USP4: variants seen among roughly 807,000 people sequenced by gnomAD.
USP4 encodes the protein ubiquitin specific peptidase 4.
A neutral mutation model predicts 118.2 loss-of-function variants in USP4; 72 were observed. The ratio of observed to expected loss-of-function variants is 0.61; its 90% CI spans 0.50 to 0.74. USP4 has a LOEUF of 0.74. Ranked by LOEUF, USP4 falls within the 30% of genes least tolerant of loss-of-function variation. USP4 has a pLI of 0.00. For synonymous variants in USP4, 415 were observed against 440.4 expected (o/e 0.94, Z 0.72); for missense variants, 1,037 against 1,185.7 (o/e 0.87, Z 1.84).
chr3:49,296,832 G>T (rs1239295578), intron 13 of USP4, among the ~76,000 whole-genome samples: 1 of 152,176 alleles, frequency 6.6e-6, no homozygotes, highest in Non-Finnish European at 1.5e-5. Context: ...GTTCCTTTCA[G>T]CTCAGGTGTG....
intron 15 of USP4, among the ~76,000 whole-genome samples, chr3:49,290,839 C>A (rs754524979): frequency 6.6e-6 from 1 of 151,778 alleles, no homozygotes; most frequent in African/African-American, 2.4e-5. Flanking sequence ...ATGTGCTGGG[C>A]GCAGTGGCTC....
chr3:49,302,299 T>A, intron 10 of USP4, 85 bp downstream of exon 10: 6 of 1,432,476 alleles, frequency 4.2e-6, no homozygotes, highest in Non-Finnish European at 3.7e-6. Flanking sequence ...GCAACAACAC[T>A]CAAAGACCAG....
At chr3:49,312,323 T>C (rs989564835) in intron 6 of USP4, 4 of 361,582 alleles carry the variant, frequency 1.1e-5, no homozygotes, top group Non-Finnish European at 2.2e-5. Context: ...ACCACATCTC[T>C]ACTAAAAATA....
chr3:49,322,852 G>A (rs1480952542), intron 6 of USP4, among the ~76,000 whole-genome samples: 6 of 148,720 alleles, frequency 4.0e-5, no homozygotes, highest in South Asian at 4.2e-4. Context: ...GTAAGACTCC[G>A]TCACAGGGAA....
At chr3:49,338,670 AAAAAAAAAAGAAAAG>A (rs1440399015) in intron 1 of USP4, among the ~76,000 whole-genome samples, 1 of 151,328 alleles carries the variant, frequency 6.6e-6, no homozygotes, top group Non-Finnish European at 1.5e-5. Context: ...CTCAAAAAAA[AAAAAAAAAAGAAAAG>A]AAAAGAAAAG....
intron 15 of USP4, among the ~76,000 whole-genome samples, chr3:49,292,287 G>GGAA (rs1426182391): frequency 1.5e-4 from 22 of 144,182 alleles, no homozygotes; most frequent in Non-Finnish European, 3.0e-4. Context: ...ACCCCTATCT[G>GGAA]GAAAAAAAAA....
intron 11 of USP4, among the ~76,000 whole-genome samples, chr3:49,299,184 G>T (rs367813659): frequency 2.6e-5 from 4 of 151,986 alleles, no homozygotes; most frequent in African/African-American, 9.7e-5. Flanking sequence ...CCACCTCCCG[G>T]GTTCAAGCGA....
chr3:49,286,458 G>C, intron 15 of USP4, 133 bp from the exon 16 acceptor site: 1 of 895,344 alleles, frequency 1.1e-6, no homozygotes, highest in African/African-American at 1.7e-5. Flanking sequence ...CTATTCCTTT[G>C]CATTTAACTT....
intron 4 of USP4, among the ~76,000 whole-genome samples, chr3:49,325,246 CGT>C (rs758437054): frequency 7.2e-5 from 11 of 152,176 alleles, no homozygotes; most frequent in Non-Finnish European, 1.3e-4. Flanking sequence ...TCTTTGCTAA[CGT>C]GTGTCTCTCA....
chr3:49,328,309 G>A (rs1455847636), intron 2 of USP4, among the ~76,000 whole-genome samples: 1 of 151,970 alleles, frequency 6.6e-6, no homozygotes, highest in Admixed American at 6.6e-5. Context: ...AGTAAGCCAA[G>A]ATCACGCCAC....
At chr3:49,278,489 G>T in intron 21 of USP4, 38 bp from the exon 22 acceptor site, 1 of 1,596,686 alleles carries the variant, frequency 6.3e-7, no homozygotes. Context: ...TCAGTGCTTG[G>T]AAAAATCACC....
chr3:49,280,726 G>A lies in USP4; in HGVS notation c.2644+18C>T. 1.9e-6 allele frequency: 3 copies of A among 1,596,118 alleles called. No homozygotes were observed. The highest frequency in any genetic ancestry group is 2.6e-6 in the Non-Finnish European group (3 of 1,163,654). Reference sequence around the variant, plus strand: ...GCACATTTCAACATCTCAGAAGGAAGCAGATGTCAATACTTACAGTGGCCA... The same window carrying A: ...GCACATTTCAACATCTCAGAAGGAAACAGATGTCAATACTTACAGTGGCCA... On this transcript the variant is annotated intron_variant, in intron 20 of 21. Coordinates refer to ENST00000265560, the MANE Select transcript of USP4 (RefSeq NM_003363.4).
intron 6 of USP4, among the ~76,000 whole-genome samples, chr3:49,318,027 G>T (rs1302321191): frequency 6.6e-6 from 1 of 151,566 alleles, no homozygotes; most frequent in Admixed American, 6.6e-5. Flanking sequence ...GTAGAGACAG[G>T]GTTTCACCAT....
Position 49,284,455 on chromosome 3 carries a change from G to A in USP4, c.2390+11C>T. 1 of 1,609,410 alleles carries A rather than the reference G, an allele frequency of 6.2e-7. No individual in the cohort carries two copies. Among genetic ancestry groups the A allele is most frequent in the Non-Finnish European group, 8.5e-7 (1 of 1,176,436 alleles). ...ATGGGGCCTCTGCCCAGACAGTGAG[G>A]AGCTGCGTACCAGGGGTCATGCTCC... On this transcript the variant is annotated intron_variant, in intron 18 of 21. Coordinates refer to ENST00000265560, the MANE Select transcript of USP4 (RefSeq NM_003363.4).
At chr3:49,287,772 A>G (rs957895441) in intron 15 of USP4, among the ~76,000 whole-genome samples, 1 of 152,002 alleles carries the variant, frequency 6.6e-6, no homozygotes, top group African/African-American at 2.4e-5. Context: ...AGGCCCAGCT[A>G]TTTTCAAATA....
At chr3:49,338,434 C>T (rs1217738090) in intron 1 of USP4, among the ~76,000 whole-genome samples, 3 of 150,378 alleles carry the variant, frequency 2.0e-5, no homozygotes, top group African/African-American at 7.4e-5. Flanking sequence ...CCACAGCGGG[C>T]GATCACCTGA....
intron 14 of USP4, chr3:49,293,668 C>T (rs1445042944): frequency 6.6e-6 from 1 of 151,062 alleles, no homozygotes; most frequent in Non-Finnish European, 1.5e-5. Flanking sequence ...AAGATTCCAT[C>T]TCGGAAGGAA....
Position 49,291,568 on chromosome 3 carries a change from C to T in USP4, c.1972+942G>A, listed in dbSNP as rs1384007976. ...CTGCATGGGCGACAGAGCAAGATTC[C>T]GTCTCAAAAAAAAAAAAAAAAAGAA... is the stretch of plus-strand genomic sequence containing the variant. On this transcript the variant is annotated intron_variant, in intron 15 of 21. Transcript: ENST00000265560. Among the ~76,000 whole-genome samples, 21 of 138,204 alleles carry T rather than the reference C, an allele frequency of 1.5e-4. No homozygotes were observed. The East Asian group carries it at 2.5e-3, about 17-fold the overall frequency. The allele number at this position is 138,204 out of a possible 152,430, so 90.7% of individuals were successfully genotyped here. A position where few individuals can be genotyped will look rare whatever the true frequency, so the allele number is the denominator to read the frequency against.
intron 2 of USP4, among the ~76,000 whole-genome samples, chr3:49,331,017 CAA>C (rs1239637192): frequency 3.5e-5 from 4 of 115,918 alleles, no homozygotes; most frequent in Non-Finnish European, 1.8e-5. Flanking sequence ...GACTCCGTCT[CAA>C]AAAAAAAAAA....
Sources: allele counts gnomAD v4.1 joint callset (sites outside exome capture counted in the v4.1 genomes callset), GRCh38; gene constraint gnomAD v4.1.1; transcripts MANE v1.5; gene names NCBI Gene and HGNC (gene_info 2026-07-23, HGNC 2026-07-21).